The following SPON2 variants were observed in gnomAD, a reference collection of about 807,000 sequenced individuals.
SPON2 encodes spondin 2.
In SPON2, 32 loss-of-function variants were observed where a neutral mutation model predicts 29.9. That is an observed-to-expected ratio of 1.07 (90% CI 0.81 to 1.44). The LOEUF (loss-of-function observed/expected upper bound fraction) is 1.44, where lower values mean the gene tolerates loss of function less well. Ranked by LOEUF, SPON2 falls within the 40% of genes most tolerant of loss-of-function variation. The pLI is 0.00. For missense variants in SPON2, 541 were observed against 455.5 expected (o/e 1.19, Z -1.71); for synonymous variants, 248 against 209.1 (o/e 1.19, Z -1.61).
intron 1 of SPON2, among the ~76,000 whole-genome samples, chr4:1,184,893 TGC>T (rs1422675297): frequency 6.7e-6 from 1 of 148,772 alleles, no homozygotes; most frequent in African/African-American, 2.5e-5. Flanking sequence ...GCCGAGATCT[TGC>T]CACTGCACTC....
At chr4:1,190,046 AC>A (rs1727884456) in intron 1 of SPON2, among the ~76,000 whole-genome samples, 1 of 151,954 alleles carries the variant, frequency 6.6e-6, no homozygotes, top group African/African-American at 2.4e-5. Context: ...GAATAGCCAG[AC>A]TAAGAAAAAA....
chr4:1,198,713 C>T (rs1409936955), upstream of SPON2, among the ~76,000 whole-genome samples: 1 of 151,988 alleles, frequency 6.6e-6, no homozygotes, highest in African/African-American at 2.4e-5. Flanking sequence ...GCCAGGCTTA[C>T]GAGGGCAGCG....
upstream of SPON2, among the ~76,000 whole-genome samples, chr4:1,175,016 C>G (rs1727564185): frequency 6.6e-6 from 1 of 152,222 alleles, no homozygotes; most frequent in Non-Finnish European, 1.5e-5. Flanking sequence ...GGATCTCAGG[C>G]CCTCCACGAG....
At chr4:1,195,265 C>G (rs1420940150), upstream of SPON2, 1 of 152,504 alleles carries the variant, frequency 6.6e-6, no homozygotes, top group Admixed American at 6.5e-5. Context: ...TCCTGCGGTC[C>G]CAGGGCGGGT....
chr4:1,196,621 C>T (rs1270919403), upstream of SPON2, among the ~76,000 whole-genome samples: 2 of 152,194 alleles, frequency 1.3e-5, no homozygotes, highest in Non-Finnish European at 2.9e-5. Flanking sequence ...CTGCAGAAAC[C>T]CCATGGGCAG....
At chr4:1,194,985 CT>C (rs1398201225) in intron 1 of SPON2, 5 of 139,718 alleles carry the variant, frequency 3.6e-5, no homozygotes, top group African/African-American at 1.1e-4. Flanking sequence ...AGCCGGCGGC[CT>C]CACCTCACAG....
At chr4:1,180,185 G>A (rs546410141) in intron 1 of SPON2, among the ~76,000 whole-genome samples, 19 of 152,224 alleles carry the variant, frequency 1.2e-4, no homozygotes, top group East Asian at 5.8e-4. Context: ...TTAACTGCCC[G>A]ACTGAGTGTT....
chr4:1,204,382 CACTG>C lies in SPON2; in HGVS notation c.-234+3494_-234+3497del, dbSNP rs537807814. Among the ~76,000 whole-genome samples the C allele has an allele frequency of 3.9e-3, 597 of 152,316 alleles. 4 individuals are homozygous for C. The highest frequency in any genetic ancestry group is 0.014 in the African/African-American group (574 of 41,564). On this transcript the variant is annotated intron_variant, in intron 1 of 3. Transcript: ENST00000509233. ...AGGGGTCCCCAGAATATTAGACGGG[CACTG>C]ACTGTCTGCAGGATACAGACCCGGG... is the stretch of plus-strand genomic sequence containing the variant.
chr4:1,201,873 T>A (rs911716990), intron 1 of SPON2, among the ~76,000 whole-genome samples: 1 of 152,132 alleles, frequency 6.6e-6, no homozygotes, highest in South Asian at 2.1e-4. Context: ...GTGAGCCACC[T>A]CGCCCAGCCG....
Position 1,202,037 on chromosome 4 carries a change from ACTCATCT to A in SPON2, c.-234+5836_-234+5842del. Among the ~76,000 whole-genome samples, 1 of 151,800 alleles carries A rather than the reference ACTCATCT, an allele frequency of 6.6e-6. No homozygotes were observed. The highest frequency in any genetic ancestry group is 1.9e-4 in the East Asian group (1 of 5,166). On this transcript the variant is annotated intron_variant, in intron 1 of 3. Coordinates refer to the SPON2 transcript ENST00000509233. The surrounding 1 kb of genome is among the most constrained non-coding windows in gnomAD (Gnocchi z 5.4). ...TTCACGAAGTTGTGCAACCATCCCCACTCATCTCACTCCGGAACACGTTCATCATCCG... is the reference window on the plus strand; with the variant it reads ...TTCACGAAGTTGTGCAACCATCCCCACACTCCGGAACACGTTCATCATCCG...
chr4:1,202,330 G>A lies in SPON2; in HGVS notation c.-234+5550C>T, dbSNP rs967416122. 6.6e-6 allele frequency among the ~76,000 whole-genome samples: 1 copy of A among 152,124 alleles called. No individual in the cohort carries two copies. The highest frequency in any genetic ancestry group is 1.5e-5 in the Non-Finnish European group (1 of 68,020). ...TGAGTGGATCAAACACCTCCCATCA[G>A]TCCCCACCTCCCGGCACTCCACGGG... On this transcript the variant is annotated intron_variant, in intron 1 of 3. Transcript: ENST00000509233. This position sits in a 1 kb window ranked among gnomAD's most constrained non-coding sequence, Gnocchi z 5.4.
chr4:1,171,558 C>A, intron 2 of SPON2, 72 bp from the exon 3 acceptor site: 1 of 1,435,498 alleles, frequency 7.0e-7, no homozygotes, highest in East Asian at 2.4e-5. Context: ...CAGGGGGCGC[C>A]CCAGGAAATC....
chr4:1,171,142 C>A lies in SPON2; in HGVS notation c.493G>T (p.Val165Leu), dbSNP rs927764996. Residue 165 changes from valine to leucine, a missense_variant, in exon 4 of 6, where the codon GTG (valine) becomes TTG (leucine). Physicochemically the swap from Val to Leu is conservative, Grantham distance 32. Transcript: ENST00000290902. Reference sequence around the variant, plus strand: ...CCGTCGCACAGGTCCAGGCTGTCCACGCCCACGAACCAGTCGGGGCTGGGC... The same window carrying A: ...CCGTCGCACAGGTCCAGGCTGTCCAAGCCCACGAACCAGTCGGGGCTGGGC... ...IVPSPDWFVGVDSLDLCDGDR... is the reference protein window; with the variant it reads ...IVPSPDWFVGLDSLDLCDGDR... The A allele has an allele frequency of 6.4e-7, 1 of 1,553,762 alleles. No homozygotes were observed. Among genetic ancestry groups the A allele is most frequent in the South Asian group, 1.2e-5 (1 of 84,410 alleles).
chr4:1,195,293 G>A (rs976887280), upstream of SPON2, among the ~76,000 whole-genome samples: 48 of 152,246 alleles, frequency 3.2e-4, no homozygotes, highest in Non-Finnish European at 2.9e-5. Flanking sequence ...GTGTGTGGCC[G>A]GCCTCGCAGG....
At chr4:1,198,716 G>C (rs1222362351), upstream of SPON2, among the ~76,000 whole-genome samples, 6 of 152,102 alleles carry the variant, frequency 3.9e-5, no homozygotes, top group African/African-American at 9.7e-5. Context: ...AGGCTTACGA[G>C]GGCAGCGCAG....
At chr4:1,196,887 C>G (rs917420997), upstream of SPON2, 1 of 152,316 alleles carries the variant, frequency 6.6e-6, no homozygotes, top group Non-Finnish European at 1.5e-5. Flanking sequence ...GCCTCTGAGT[C>G]AGACCAGAGG....
chr4:1,182,410 C>G (rs539716938), intron 1 of SPON2, among the ~76,000 whole-genome samples: 3 of 151,776 alleles, frequency 2.0e-5, no homozygotes, highest in Middle Eastern at 3.4e-3. Context: ...AAAAAGAAAC[C>G]AAAAAGAAAT....
chr4:1,170,664 G>GT (rs1727400205), intron 4 of SPON2, 88 bp from the exon 5 acceptor site: 1 of 1,430,280 alleles, frequency 7.0e-7, no homozygotes, highest in African/African-American at 1.4e-5. Flanking sequence ...ACTGCCCAGC[G>GT]TCCAGCGTGC....
intron 1 of SPON2, among the ~76,000 whole-genome samples, chr4:1,194,619 CCT>C (rs1291391677): frequency 6.6e-6 from 1 of 152,200 alleles, no homozygotes; most frequent in Non-Finnish European, 1.5e-5. Context: ...GAAGAGTCCC[CCT>C]GCTCTGGCCC....
Sources: allele counts gnomAD v4.1 joint callset (sites outside exome capture counted in the v4.1 genomes callset), GRCh38; gene constraint gnomAD v4.1.1; non-coding constraint Gnocchi (gnomAD v3.1); transcripts MANE v1.5; gene names NCBI Gene and HGNC (gene_info 2026-07-23, HGNC 2026-07-21).